KCNH7: variants seen among roughly 807,000 people sequenced by gnomAD.
KCNH7 encodes the protein voltage-gated inwardly rectifying potassium channel KCNH7.
Under a neutral mutation model 120.8 loss-of-function variants are expected in KCNH7, and 49 were observed. The ratio of observed to expected loss-of-function variants is 0.41; its 90% CI spans 0.32 to 0.51. The LOEUF (loss-of-function observed/expected upper bound fraction) is 0.51, where lower values mean the gene tolerates loss of function less well. KCNH7 is among the 20% of genes least tolerant of loss of function. The pLI is 0.38. For synonymous variants in KCNH7, 547 were observed against 516.1 expected, an observed-to-expected ratio of 1.06 and a Z score of -0.81; for missense variants, 1,097 against 1,446.6, an observed-to-expected ratio of 0.76 and a Z score of 3.92.
At chr2:162,643,774 C>T (rs997183570) in intron 2 of KCNH7, among the ~76,000 whole-genome samples, 1 of 141,884 alleles carries the variant, frequency 7.0e-6, no homozygotes, top group Non-Finnish European at 1.5e-5. Context: ...CCACTGCACT[C>T]CAGCCTGGTG....
At chr2:162,744,624 A>G (rs1481938678) in intron 2 of KCNH7, among the ~76,000 whole-genome samples, 5 of 146,618 alleles carry the variant, frequency 3.4e-5, no homozygotes, top group East Asian at 2.0e-4. Context: ...CCAGGCTGGA[A>G]TGCAGTGGCG....
chr2:162,543,543 T>G (rs1692383662), intron 2 of KCNH7, among the ~76,000 whole-genome samples: 1 of 152,090 alleles, frequency 6.6e-6, no homozygotes, highest in African/African-American at 2.4e-5. Flanking sequence ...ATGCCAACAG[T>G]GTGAATAATT....
At chr2:162,610,136 C>G (rs1252366500) in intron 2 of KCNH7, among the ~76,000 whole-genome samples, 1 of 152,132 alleles carries the variant, frequency 6.6e-6, no homozygotes, top group Non-Finnish European at 1.5e-5. Context: ...GAAATAAGGT[C>G]AAGAGAATGT....
intron 5 of KCNH7, among the ~76,000 whole-genome samples, chr2:162,511,496 AAAAAAGAAC>A (rs1267913901): frequency 6.6e-6 from 1 of 151,168 alleles, no homozygotes; most frequent in East Asian, 2.0e-4. Flanking sequence ...AAAAAAAAAA[AAAAAAGAAC>A]AATGATGTAG....
At chr2:162,503,053 C>A (rs907564319) in intron 6 of KCNH7, among the ~76,000 whole-genome samples, 8 of 152,104 alleles carry the variant, frequency 5.3e-5, no homozygotes, top group Admixed American at 4.6e-4. Flanking sequence ...TTCTGCCTAA[C>A]CGCAGTTAGA....
At chr2:162,487,909 C>T (rs530528199) in intron 6 of KCNH7, among the ~76,000 whole-genome samples, 19 of 152,288 alleles carry the variant, frequency 1.2e-4, no homozygotes, top group Middle Eastern at 3.4e-3. Flanking sequence ...ACGTCTGCTA[C>T]GGAATTTTTC....
chr2:162,595,883 T>G (rs1039322299), intron 2 of KCNH7, among the ~76,000 whole-genome samples: 2 of 151,178 alleles, frequency 1.3e-5, no homozygotes, highest in Admixed American at 1.3e-4. Context: ...GGTTACAAAA[T>G]CAATAAATCA....
At chr2:162,557,790 A>G (rs747083805) in intron 2 of KCNH7, among the ~76,000 whole-genome samples, 1 of 152,084 alleles carries the variant, frequency 6.6e-6, no homozygotes, top group African/African-American at 2.4e-5. Flanking sequence ...CTGAAAGTCT[A>G]TTTTTCTGTC....
intron 2 of KCNH7, among the ~76,000 whole-genome samples, chr2:162,568,554 G>T (rs1003964522): frequency 6.6e-6 from 1 of 152,006 alleles, no homozygotes; most frequent in Non-Finnish European, 1.5e-5. Context: ...ATATTAAAAT[G>T]AGGTAAAGTT....
chr2:162,706,967 C>T lies in KCNH7; in HGVS notation c.307+129570G>A, dbSNP rs112041506. Among the ~76,000 whole-genome samples, 443 of 152,172 alleles carry T rather than the reference C, an allele frequency of 2.9e-3. 2 individuals are homozygous for T. The highest frequency in any genetic ancestry group is 0.01 in the African/African-American group (420 of 41,528). On this transcript the variant is annotated intron_variant, in intron 2 of 15. Coordinates refer to ENST00000332142, the MANE Select transcript of KCNH7 (RefSeq NM_033272.4). ...ATTTCTGAAAGCCAAGGGCTATCTC[C>T]GGTTTCATGGTGTTCTTTAACAGCA...
chr2:162,674,771 A>G (rs1046059458), intron 2 of KCNH7, among the ~76,000 whole-genome samples: 2 of 151,680 alleles, frequency 1.3e-5, no homozygotes, highest in Non-Finnish European at 3.0e-5. Context: ...TCAGAAAAAC[A>G]TCTATATATA....
chr2:162,575,054 T>C (rs1172657945), intron 2 of KCNH7, among the ~76,000 whole-genome samples: 1 of 152,018 alleles, frequency 6.6e-6, no homozygotes, highest in Non-Finnish European at 1.5e-5. Flanking sequence ...TGTGGAAAAA[T>C]TAAAGAATTC....
At chr2:162,436,864 C>T (rs62188199) in intron 7 of KCNH7, among the ~76,000 whole-genome samples, 5,948 of 152,198 alleles carry the variant, frequency 0.039, 173 homozygotes, top group Non-Finnish European at 0.06. Context: ...AATCCCAGTA[C>T]TTTGGCAGGC....
chr2:162,484,369 T>A (rs149718105), intron 6 of KCNH7, among the ~76,000 whole-genome samples: 1 of 152,112 alleles, frequency 6.6e-6, no homozygotes, highest in Non-Finnish European at 1.5e-5. Flanking sequence ...TTGGTCCCCA[T>A]TCTCCTTTTC....
At chr2:162,794,358 C>G (rs551101359) in intron 2 of KCNH7, among the ~76,000 whole-genome samples, 34 of 152,100 alleles carry the variant, frequency 2.2e-4, no homozygotes, top group Non-Finnish European at 4.9e-4. Flanking sequence ...ACTGAGCATG[C>G]AATCTACTTC....
chr2:162,603,625 T>A (rs937163196), intron 2 of KCNH7, among the ~76,000 whole-genome samples: 9 of 152,114 alleles, frequency 5.9e-5, no homozygotes, highest in African/African-American at 1.7e-4. Flanking sequence ...GAGGATCACT[T>A]GAGCCCAGAA....
rs554143333 is a variant in KCNH7 at position 162,578,211 on chromosome 2, C to G, written c.308-41131G>C. Among the ~76,000 whole-genome samples, 15 of 151,902 alleles carry G rather than the reference C, an allele frequency of 9.9e-5. No individual in the cohort carries two copies. The East Asian group carries it at 2.9e-3, about 30-fold the overall frequency. Reference sequence around the variant, plus strand: ...TCCTTCAACGCTAGCTGAGACAATACCAAAGAGGGGGAAATGAAAGTAACA... The same window carrying G: ...TCCTTCAACGCTAGCTGAGACAATAGCAAAGAGGGGGAAATGAAAGTAACA... On this transcript the variant is annotated intron_variant, in intron 2 of 15. Transcript: ENST00000332142.
chr2:162,651,330 C>T (rs1041537088), intron 2 of KCNH7, among the ~76,000 whole-genome samples: 1 of 152,050 alleles, frequency 6.6e-6, no homozygotes, highest in African/African-American at 2.4e-5. Flanking sequence ...AAGCCCAATA[C>T]CCAATAGTTA....
chr2:162,771,396 T>C (rs1335412940), intron 2 of KCNH7, among the ~76,000 whole-genome samples: 1 of 152,120 alleles, frequency 6.6e-6, no homozygotes, highest in Non-Finnish European at 1.5e-5. Flanking sequence ...TTTGTGTAGG[T>C]TTCCTCTATC....
Sources: gnomAD v4.1 joint callset for allele counts (sites outside exome capture counted in the v4.1 genomes callset) on GRCh38, gnomAD v4.1.1 for gene constraint, MANE v1.5 for transcripts, NCBI Gene and HGNC (gene_info 2026-07-23, HGNC 2026-07-21) for gene names.